CYB561: variants seen among roughly 807,000 people sequenced by gnomAD.
CYB561 encodes transmembrane ascorbate-dependent reductase CYB561.
CYB561 carries 11 observed loss-of-function variants against 25.3 expected under a neutral mutation model. That is an observed-to-expected ratio of 0.44 (90% CI 0.27 to 0.72). The LOEUF (loss-of-function observed/expected upper bound fraction) is 0.72, where lower values mean the gene tolerates loss of function less well. Ranked by LOEUF, CYB561 falls within the 30% of genes least tolerant of loss-of-function variation. The pLI is 0.18. For missense variants in CYB561, 295 were observed against 334.9 expected (o/e 0.88, Z 0.93); for synonymous variants, 165 against 158.8 (o/e 1.04, Z -0.29).
At position 63,437,503 on chromosome 17, in the gene CYB561, G is replaced by A; in HGVS notation, c.45C>T (p.Tyr15=). Residue 15 remains tyrosine (Y), a synonymous_variant, in exon 2 of 6, where the codon TAC becomes TAT. Transcript: ENST00000360793. ...CCAGCAGCTGGGAGAAGGCCACGTA[G>A]TAAGGCAGTGCTGTGGGGGTGGCTG... is the stretch of plus-strand genomic sequence containing the variant. ...AAAATPTALP[Y]YVAFSQLLGL... 6.2e-7 allele frequency: 1 copy of A among 1,613,470 alleles called. No homozygotes were observed. The highest frequency in any genetic ancestry group is 1.1e-5 in the South Asian group (1 of 91,074).
chr17:63,444,198 ATTG>A (rs1363712167), intron 1 of CYB561, among the ~76,000 whole-genome samples: 1 of 152,150 alleles, frequency 6.6e-6, no homozygotes, highest in Non-Finnish European at 1.5e-5. Context: ...CGCCGGGCCA[ATTG>A]TTATTATTTT....
chr17:63,437,137 C>T (rs1229139030), intron 2 of CYB561: 2 of 567,690 alleles, frequency 3.5e-6, no homozygotes, highest in Admixed American at 6.7e-5. Flanking sequence ...AATGCTGGAC[C>T]AGGCTGGAGA....
Position 63,436,969 on chromosome 17 carries a change from C to T in CYB561, c.202+377G>A, listed in dbSNP as rs1045850845. On this transcript the variant is annotated intron_variant, in intron 2 of 5. Coordinates refer to ENST00000360793, the MANE Select transcript of CYB561 (RefSeq NM_001915.4). The surrounding 1 kb of genome is among the most constrained non-coding windows in gnomAD (Gnocchi z 4.8). ...AAGTCCAAGACCAACAACACACATG[C>T]GCGCGCACGCACGCACGCATACAAA... is the stretch of plus-strand genomic sequence containing the variant. The T allele has an allele frequency of 2.8e-5, 7 of 245,884 alleles. No individual in the cohort carries two copies. Among genetic ancestry groups the T allele is most frequent in the African/African-American group, 1.3e-4 (6 of 44,566 alleles). 15.2% of individuals were successfully genotyped at this position (245,884 alleles called of 1,614,324 possible).
chr17:63,443,801 T>G (rs1237756066), intron 1 of CYB561, among the ~76,000 whole-genome samples: 1 of 152,110 alleles, frequency 6.6e-6, no homozygotes, highest in Non-Finnish European at 1.5e-5. Flanking sequence ...AATTTTTTCT[T>G]TTTTTGGAGA....
rs1015528230 is a variant in CYB561 at position 63,436,516 on chromosome 17, C to T, written c.203-364G>A. ...TAAAGGAGCTGCCCGGCCCAGCAGA[C>T]GCCCCCCTCCACCCACCTTCTTGTC... is the stretch of plus-strand genomic sequence containing the variant. On this transcript the variant is annotated intron_variant, in intron 2 of 5. Coordinates refer to ENST00000360793, the MANE Select transcript of CYB561 (RefSeq NM_001915.4). The surrounding 1 kb of genome is among the most constrained non-coding windows in gnomAD (Gnocchi z 4.8). The T allele has an allele frequency of 3.7e-5, 7 of 191,468 alleles. No individual in the cohort carries two copies. The East Asian group carries it at 9.1e-4, about 25-fold the overall frequency. 11.9% of individuals were successfully genotyped at this position (191,468 alleles called of 1,614,324 possible).
Position 63,435,707 on chromosome 17 carries a change from A to C in CYB561, c.386T>G (p.Phe129Cys). ...SLHSWCGILV[F>C]VLYFVQWLVG... ...ACTCACCTGCACAAAGTACAGGACAAAGACAAGGATCCCGCACCAGCTGTG... is the reference window on the plus strand; with the variant it reads ...ACTCACCTGCACAAAGTACAGGACACAGACAAGGATCCCGCACCAGCTGTG... The change falls in exon 4 of 6, where the codon TTT becomes TGT. Residue 129 changes from phenylalanine (F) to cysteine (C), a missense_variant. Physicochemically the swap from Phe to Cys is radical, Grantham distance 205. Transcript: ENST00000360793. 6.2e-7 allele frequency: 1 copy of C among 1,614,188 alleles called. No homozygotes were observed. The highest frequency in any genetic ancestry group is 8.5e-7 in the Non-Finnish European group (1 of 1,180,016).
chr17:63,443,023 TTGAATTGAGTTAGGAAAGACTG>T (rs1568026109), intron 1 of CYB561, among the ~76,000 whole-genome samples: 1 of 152,094 alleles, frequency 6.6e-6, no homozygotes, highest in Non-Finnish European at 1.5e-5. Context: ...ACAGCAGAGT[TTGAATTGAGTTAGGAAAGACTG>T]TGACTGCGGA....
At position 63,436,477 on chromosome 17, in the gene CYB561, C is replaced by G. The variant is rs2049302207; in HGVS notation, c.203-325G>C. The G allele has an allele frequency of 1.1e-5, 3 of 261,120 alleles. No individual in the cohort carries two copies. In the South Asian group the frequency reaches 1.8e-4, roughly 15 times the overall value. 16.2% of individuals were successfully genotyped at this position (261,120 alleles called of 1,614,324 possible). On this transcript the variant is annotated intron_variant, in intron 2 of 5. Transcript: ENST00000360793. This position sits in a 1 kb window ranked among gnomAD's most constrained non-coding sequence, Gnocchi z 4.8. Reference sequence around the variant, plus strand: ...ACAGGCAGTGAAGGCAGCGCCTCTGCCCTCGTCCCCACCTAAAGGAGCTGC... The same window carrying G: ...ACAGGCAGTGAAGGCAGCGCCTCTGGCCTCGTCCCCACCTAAAGGAGCTGC...
intron 5 of CYB561, 65 bp from the exon 6 acceptor site, chr17:63,434,659 A>G (rs1476079597): frequency 7.0e-7 from 1 of 1,419,166 alleles, no homozygotes; most frequent in Non-Finnish European, 9.6e-7. Flanking sequence ...TGCCCTTTGT[A>G]TCCTGGGCCT....
intron 1 of CYB561, among the ~76,000 whole-genome samples, chr17:63,438,626 A>T (rs1328431577): frequency 6.6e-6 from 1 of 152,106 alleles, no homozygotes; most frequent in Non-Finnish European, 1.5e-5. Flanking sequence ...AGGTTTCCAA[A>T]ACTGAAGGCC....
intron 1 of CYB561, among the ~76,000 whole-genome samples, chr17:63,445,432 C>T (rs972134560): frequency 2.1e-5 from 3 of 145,936 alleles, no homozygotes; most frequent in Non-Finnish European, 4.5e-5. Flanking sequence ...AGAATCTAGG[C>T]GCCCTAGATG....
rs774368701 is a variant in CYB561 at position 63,436,204 on chromosome 17, T to G, written c.203-52A>C. The G allele has an allele frequency of 2.5e-6, 4 of 1,591,894 alleles. No individual in the cohort carries two copies. The highest frequency in any genetic ancestry group is 3.4e-5 in the Admixed American group (2 of 58,828). The stretch of plus-strand genomic sequence containing the variant: ...AGTGCATCCGCCTGTGCGTGAGGCC[T>G]CCTGCCCCAGCAGCAAGGAGGCACC... On this transcript the variant is annotated intron_variant, in intron 2 of 5. Coordinates refer to ENST00000360793, the MANE Select transcript of CYB561 (RefSeq NM_001915.4). The surrounding 1 kb of genome is among the most constrained non-coding windows in gnomAD (Gnocchi z 4.8).
intron 5 of CYB561, 155 bp from the exon 6 acceptor site, chr17:63,434,749 A>G (rs2147488478): frequency 3.0e-6 from 2 of 655,858 alleles, no homozygotes; most frequent in East Asian, 2.8e-5. Context: ...CCCGCCCCCA[A>G]CCAGCAATCT....
At position 63,434,121 on chromosome 17, in the gene CYB561, G is replaced by C. The variant is rs1196622346; in HGVS notation, c.*281C>G. ...GCTTCTTTAAAGATCTGTGCTCTGC[G>C]ACCAGGACCGAACACCCGAAGTCCT... On this transcript the variant is annotated 3_prime_UTR_variant, in exon 6 of 6. Transcript: ENST00000360793. 2.5e-6 allele frequency: 1 copy of C among 400,940 alleles called. No individual in the cohort carries two copies. The highest frequency in any genetic ancestry group is 4.5e-6 in the Non-Finnish European group (1 of 223,772). 24.8% of individuals were successfully genotyped at this position (400,940 alleles called of 1,614,324 possible).
chr17:63,435,550 G>A (rs2049287432), intron 4 of CYB561, 138 bp downstream of exon 4: 4 of 803,842 alleles, frequency 5.0e-6, no homozygotes, highest in Admixed American at 2.1e-5. Context: ...CACCCGCACA[G>A]GCCTGGGAAG....
At position 63,436,148 on chromosome 17, in the gene CYB561, C is replaced by G; in HGVS notation, c.207G>C (p.Leu69=). 2 of 1,613,808 alleles carry G rather than the reference C, an allele frequency of 1.2e-6. No individual in the cohort carries two copies. Among genetic ancestry groups the G allele is most frequent in the East Asian group, 4.5e-5 (2 of 44,874 alleles). The stretch of plus-strand genomic sequence containing the variant: ...CGTTCCTGAAGACACGGTAAACCAG[C>G]AGGGCTGTGGGAGGTGAGAGAGGGA... The part of the protein sequence containing the change: ...IGLIFLQGNA[L]LVYRVFRNEA... Residue 69 remains leucine, a synonymous_variant, in exon 3 of 6, where the codon CTG becomes CTC. Transcript: ENST00000360793. This position sits in a 1 kb window ranked among gnomAD's most constrained non-coding sequence, Gnocchi z 4.8.
intron 1 of CYB561, chr17:63,437,975 G>GGCCCC: frequency 2.2e-5 from 2 of 89,530 alleles, no homozygotes; most frequent in South Asian, 2.1e-4. Flanking sequence ...CGGCGGCCCC[G>GGCCCC]CCACCCTCCC....
intron 4 of CYB561, 21 bp downstream of exon 4, chr17:63,435,667 C>CGG: frequency 6.2e-7 from 1 of 1,604,164 alleles, no homozygotes; most frequent in African/African-American, 1.3e-5. Context: ...GCCCCAGGCC[C>CGG]GGGGTGTTGG....
At chr17:63,437,652 AC>A in intron 1 of CYB561, 92 bp from the exon 2 acceptor site, 1 of 775,204 alleles carries the variant, frequency 1.3e-6, no homozygotes. Flanking sequence ...CAAGATGCGC[AC>A]AGGCCCCCCG....
Sources: allele counts gnomAD v4.1 joint callset (sites outside exome capture counted in the v4.1 genomes callset), GRCh38; gene constraint gnomAD v4.1.1; non-coding constraint Gnocchi (gnomAD v3.1); transcripts MANE v1.5; gene names NCBI Gene and HGNC (gene_info 2026-07-23, HGNC 2026-07-21).